The following ZNF529 variants were observed in gnomAD, a reference collection of about 807,000 sequenced individuals.
ZNF529 encodes zinc finger protein 529.
In ZNF529, 11 loss-of-function variants were observed where a neutral mutation model predicts 10.1. That is an observed-to-expected ratio of 1.09 (90% CI 0.69 to 1.81). ZNF529 has a LOEUF of 1.81. Among genes scored for constraint, ZNF529 ranks in the 40% most tolerant of loss-of-function variants. The pLI is 0.00. For missense variants in ZNF529, 624 were observed against 666.8 expected (o/e 0.94, Z 0.71); for synonymous variants, 204 against 215.7 (o/e 0.95, Z 0.47).
chr19:36,565,652 A>G (rs1470874550), intron 2 of ZNF529, among the ~76,000 whole-genome samples: 1 of 152,146 alleles, frequency 6.6e-6, no homozygotes, highest in Non-Finnish European at 1.5e-5. Flanking sequence ...GTGAGCAGAG[A>G]TTGTGCCACC....
At chr19:36,576,609 C>A (rs1037839330), upstream of ZNF529, among the ~76,000 whole-genome samples, 1 of 151,674 alleles carries the variant, frequency 6.6e-6, no homozygotes, top group African/African-American at 2.4e-5. Context: ...CCCAGCTACT[C>A]GGGAGGCTGA....
At chr19:36,554,507 G>A (rs1277797348) in intron 4 of ZNF529, among the ~76,000 whole-genome samples, 163 bp downstream of exon 4, 2 of 152,160 alleles carry the variant, frequency 1.3e-5, no homozygotes, top group African/African-American at 4.8e-5. Flanking sequence ...GAACCCGGGA[G>A]GCAGAGGTTG....
chr19:36,547,746 G>A lies in ZNF529; in HGVS notation c.812C>T (p.Pro271Leu), dbSNP rs904473939. The change falls in exon 5 of 5, where the codon CCA becomes CTA. Residue 271 changes from proline (P) to leucine (L), a missense_variant. By Grantham distance (98) the Pro-to-Leu change is moderately conservative. Coordinates refer to ENST00000591340, the MANE Select transcript of ZNF529 (RefSeq NM_020951.5). ...RTFERVGKVT[P>L]LQRVHDGEKH... ...CTCACCATCATGAACTCTTTGAAGT[G>A]GAGTAACTTTTCCAACTCTTTCAAA... 4.3e-6 allele frequency: 7 copies of A among 1,613,456 alleles called. No individual in the cohort carries two copies. In the Admixed American group the frequency reaches 8.3e-5, roughly 19 times the overall value.
In ZNF529 at chr19:36,548,209, A is replaced by G. The variant is rs888668115; in HGVS notation, c.349T>C (p.Ser117Pro). 1 of 1,613,950 alleles carries G rather than the reference A, an allele frequency of 6.2e-7. No homozygotes were observed. Among genetic ancestry groups the G allele is most frequent in the Non-Finnish European group, 8.5e-7 (1 of 1,179,880 alleles). The change falls in exon 5 of 5, where the codon TCC becomes CCC. Residue 117 changes from serine to proline, a missense_variant. Physicochemically the swap from Ser to Pro is moderately conservative, Grantham distance 74 (BLOSUM62 -1). Transcript: ENST00000591340. ...ESSKLCGLEGSIFRNDWQSKS... is the reference protein window; with the variant it reads ...ESSKLCGLEGPIFRNDWQSKS... The stretch of plus-strand genomic sequence containing the variant: ...CTTTGCCAGTCATTTCTGAAAATGG[A>G]ACCTTCAAGGCCACATAACTTGCTA...
intron 2 of ZNF529, among the ~76,000 whole-genome samples, chr19:36,571,292 T>C (rs1290926356): frequency 6.6e-6 from 1 of 152,224 alleles, no homozygotes. Flanking sequence ...TGTATTCATA[T>C]CATTACATGT....
At chr19:36,571,500 C>A (rs1393656223) in intron 2 of ZNF529, among the ~76,000 whole-genome samples, 1 of 151,744 alleles carries the variant, frequency 6.6e-6, no homozygotes, top group Non-Finnish European at 1.5e-5. Context: ...CATGATGAAA[C>A]CCCTTCTCTA....
chr19:36,547,896 T>C lies in ZNF529; in HGVS notation c.662A>G (p.His221Arg), dbSNP rs757774924. ...DNSSMLQLNI[H>R]TGVKPCKYME... ...ATATTTACAAGGTTTCACACCAGTA[T>C]GAATATTCAGTTGTAACATACTGGA... Residue 221 changes from histidine (H) to arginine (R), a missense_variant, in exon 5 of 5, where the codon CAT becomes CGT. Physicochemically the swap from His to Arg is conservative, Grantham distance 29 (BLOSUM62 0). Transcript: ENST00000591340. 1 of 1,612,828 alleles carries C rather than the reference T, an allele frequency of 6.2e-7. No homozygotes were observed. Among genetic ancestry groups the C allele is most frequent in the South Asian group, 1.1e-5 (1 of 90,990 alleles).
At chr19:36,569,093 G>A (rs2036001490) in intron 2 of ZNF529, among the ~76,000 whole-genome samples, 1 of 152,122 alleles carries the variant, frequency 6.6e-6, no homozygotes, top group Admixed American at 6.5e-5. Flanking sequence ...CATATACACA[G>A]GTATAGGCAC....
At chr19:36,569,195 C>G (rs778016255) in intron 2 of ZNF529, among the ~76,000 whole-genome samples, 1 of 151,930 alleles carries the variant, frequency 6.6e-6, no homozygotes, top group Non-Finnish European at 1.5e-5. Flanking sequence ...CTCCAACGGT[C>G]TGCAAAAATT....
Position 36,547,283 on chromosome 19 carries a change from T to C in ZNF529, c.1275A>G (p.Lys425=), listed in dbSNP as rs2035067914. 6.2e-7 allele frequency: 1 copy of C among 1,613,646 alleles called. No individual in the cohort carries two copies. Among genetic ancestry groups the C allele is most frequent in the African/African-American group, 1.3e-5 (1 of 74,908 alleles). The change falls in exon 5 of 5, where the codon AAA becomes AAG. Residue 425 remains lysine (K), a synonymous_variant. Transcript: ENST00000591340. ...IHTGEKPYKC[K]ECEKAFGVGS... ...CTACTCCAAATGCTTTCTCACATTC[T>C]TTACATTTATAGGGTTTTTCACCAG...
chr19:36,581,684 A>G (rs2145243136), intron 2 of ZNF529: 2 of 152,282 alleles, frequency 1.3e-5, no homozygotes, highest in South Asian at 4.1e-4. Context: ...AGAGCCTGGC[A>G]CCTCCTCCCT....
At chr19:36,562,662 C>G (rs138433090) in intron 2 of ZNF529, among the ~76,000 whole-genome samples, 2,257 of 151,582 alleles carry the variant, frequency 0.015, 56 homozygotes, top group African/African-American at 0.051. Flanking sequence ...GGTGAAACCC[C>G]GTCTCTACTA....
upstream of ZNF529, chr19:36,577,292 C>T (rs958912506): frequency 2.6e-6 from 1 of 380,432 alleles, no homozygotes; most frequent in Admixed American, 3.0e-5. Context: ...AGGTAGATCA[C>T]ATTATTATTA....
chr19:36,604,136 C>A (rs979638972), intron 1 of ZNF529, among the ~76,000 whole-genome samples: 1 of 152,114 alleles, frequency 6.6e-6, no homozygotes, highest in African/African-American at 2.4e-5. Flanking sequence ...GCCGAGATTG[C>A]GCCACTGCAC....
intron 2 of ZNF529, among the ~76,000 whole-genome samples, chr19:36,560,516 G>C (rs1220868677): frequency 6.6e-6 from 1 of 152,156 alleles, no homozygotes; most frequent in Non-Finnish European, 1.5e-5. Flanking sequence ...CAAATGAGGA[G>C]AACCCAAAGT....
chr19:36,573,251 G>T lies in ZNF529; in HGVS notation c.-158C>A. On this transcript the variant is annotated 5_prime_UTR_variant, in exon 1 of 5. Transcript: ENST00000591340. ...CACCGCGAGCTCCTCCCGCAGCCCGGCCCGGGTCACCTCGACTCGCCAGGC... is the reference window on the plus strand; with the variant it reads ...CACCGCGAGCTCCTCCCGCAGCCCGTCCCGGGTCACCTCGACTCGCCAGGC... The T allele has an allele frequency of 3.2e-6, 1 of 308,210 alleles. No homozygotes were observed. Among genetic ancestry groups the T allele is most frequent in the Non-Finnish European group, 6.7e-6 (1 of 148,884 alleles). 19.1% of individuals were successfully genotyped at this position (308,210 alleles called of 1,614,324 possible). A position where few individuals can be genotyped will look rare whatever the true frequency, so the allele number is the denominator to read the frequency against.
At chr19:36,553,854 T>A (rs149803961) in intron 4 of ZNF529, among the ~76,000 whole-genome samples, 1 of 152,206 alleles carries the variant, frequency 6.6e-6, no homozygotes, top group African/African-American at 2.4e-5. Flanking sequence ...GAAATACACA[T>A]AACTACTTAA....
At chr19:36,549,342 C>T (rs924305234) in intron 4 of ZNF529, among the ~76,000 whole-genome samples, 1 of 151,866 alleles carries the variant, frequency 6.6e-6, no homozygotes, top group African/African-American at 2.4e-5. Flanking sequence ...TTTCATGTGC[C>T]AATGTATAAC....
intron 2 of ZNF529, among the ~76,000 whole-genome samples, chr19:36,585,452 C>T (rs1404931669): frequency 1.3e-5 from 2 of 152,188 alleles, no homozygotes; most frequent in Non-Finnish European, 2.9e-5. Context: ...GTGTATATCC[C>T]TTAATGTTAC....
Sources: allele counts gnomAD v4.1 joint callset (sites outside exome capture counted in the v4.1 genomes callset), GRCh38; gene constraint gnomAD v4.1.1; transcripts MANE v1.5; gene names NCBI Gene and HGNC (gene_info 2026-07-23, HGNC 2026-07-21).